The following SPMIP11 variants were observed in gnomAD, a reference collection of about 807,000 sequenced individuals.
The protein encoded by SPMIP11 is long intergenic non-protein coding RNA 935.
At chr12:48,744,909 A>G in the SPMIP11 span, among the ~76,000 whole-genome samples, 1 of 152,148 alleles carries the variant, frequency 6.6e-6, no homozygotes, top group African/African-American at 2.4e-5. Context: ...ATGGTGATGT[A>G]CAAAAGAGGA....
At chr12:48,770,041 G>A in the SPMIP11 span, among the ~76,000 whole-genome samples, 22 of 149,986 alleles carry the variant, frequency 1.5e-4, no homozygotes, top group South Asian at 4.2e-4. Flanking sequence ...GATTACAGGC[G>A]TGAGCCACTG....
chr12:48,731,170 G>C, the SPMIP11 span, among the ~76,000 whole-genome samples: 1 of 152,008 alleles, frequency 6.6e-6, no homozygotes, highest in Non-Finnish European at 1.5e-5. Flanking sequence ...CCCAAACCCT[G>C]AATTCAAATG....
At chr12:48,727,580 AG>A in the SPMIP11 span, 3 of 702,272 alleles carry the variant, frequency 4.3e-6, no homozygotes, top group East Asian at 8.0e-5. Context: ...TATAGGGTAG[AG>A]GGTTAGAAGG....
At chr12:48,758,066 G>A in the SPMIP11 span, among the ~76,000 whole-genome samples, 3 of 152,132 alleles carry the variant, frequency 2.0e-5, no homozygotes, top group African/African-American at 4.8e-5. Context: ...ACTTCGGGAC[G>A]CTGAGGAGGG....
the SPMIP11 span, among the ~76,000 whole-genome samples, chr12:48,732,516 T>C: frequency 6.6e-6 from 1 of 152,022 alleles, no homozygotes; most frequent in African/African-American, 2.4e-5. Flanking sequence ...ATACCTGTAA[T>C]CCCAGCACTT....
At chr12:48,747,412 T>C in the SPMIP11 span, among the ~76,000 whole-genome samples, 86,052 of 152,002 alleles carry the variant, frequency 0.57, 24,947 homozygotes, top group East Asian at 0.76. Context: ...GATTCAAAAT[T>C]GAGAAAAAAT....
At chr12:48,736,989 G>A in the SPMIP11 span, among the ~76,000 whole-genome samples, 5 of 149,200 alleles carry the variant, frequency 3.4e-5, no homozygotes, top group South Asian at 4.2e-4. Context: ...TTGCTCTGTC[G>A]CCCATGCTGG....
the SPMIP11 span, among the ~76,000 whole-genome samples, chr12:48,739,836 G>C: frequency 2.0e-5 from 3 of 152,060 alleles, no homozygotes; most frequent in Admixed American, 6.6e-5. Flanking sequence ...GTTTGGGTAG[G>C]GACATAAATC....
At chr12:48,732,159 A>C in the SPMIP11 span, among the ~76,000 whole-genome samples, 4 of 152,024 alleles carry the variant, frequency 2.6e-5, no homozygotes, top group African/African-American at 4.8e-5. Flanking sequence ...AAAAAAAAAA[A>C]AAACATAAAA....
At chr12:48,768,909 T>A in the SPMIP11 span, 1 of 1,591,388 alleles carries the variant, frequency 6.3e-7, no homozygotes, top group South Asian at 1.2e-5. Context: ...CCCATGTTCC[T>A]CCCAGCCCCT....
At chr12:48,735,744 C>T in the SPMIP11 span, among the ~76,000 whole-genome samples, 9 of 151,632 alleles carry the variant, frequency 5.9e-5, no homozygotes, top group African/African-American at 1.9e-4. Flanking sequence ...ATTAGCCAGG[C>T]GTGGTGACAC....
the SPMIP11 span, among the ~76,000 whole-genome samples, chr12:48,749,191 G>T: frequency 6.6e-6 from 1 of 151,790 alleles, no homozygotes; most frequent in East Asian, 1.9e-4. Flanking sequence ...GAACCTGGGA[G>T]GCAGAGGCTG....
chr12:48,766,361 G>C, the SPMIP11 span: 1 of 152,632 alleles, frequency 6.6e-6, no homozygotes, highest in Non-Finnish European at 1.5e-5. Context: ...AGGGACAATG[G>C]TAGCCCAGGG....
At chr12:48,731,288 C>T in the SPMIP11 span, among the ~76,000 whole-genome samples, 1 of 152,088 alleles carries the variant, frequency 6.6e-6, no homozygotes, top group African/African-American at 2.4e-5. Context: ...GTCAGGAGAT[C>T]GATACCATCC....
the SPMIP11 span, among the ~76,000 whole-genome samples, chr12:48,735,425 T>G: frequency 6.6e-6 from 1 of 151,998 alleles, no homozygotes; most frequent in African/African-American, 2.4e-5. Flanking sequence ...CTGGTCAACA[T>G]GGTGAAACAC....
chr12:48,770,541 C>G, the SPMIP11 span, among the ~76,000 whole-genome samples: 2 of 152,132 alleles, frequency 1.3e-5, no homozygotes, highest in Non-Finnish European at 2.9e-5. Context: ...AGTCTCTATC[C>G]AATGAAAGGC....
the SPMIP11 span, among the ~76,000 whole-genome samples, chr12:48,764,140 G>C: frequency 1.3e-5 from 2 of 150,958 alleles, no homozygotes; most frequent in Admixed American, 6.6e-5. Context: ...GCACCACCAC[G>C]CCCGGCTAAT....
At chr12:48,762,498 G>A in the SPMIP11 span, among the ~76,000 whole-genome samples, 2 of 148,988 alleles carry the variant, frequency 1.3e-5, no homozygotes, top group Non-Finnish European at 3.0e-5. Flanking sequence ...CTCCTAAGTA[G>A]CTGGGATTAC....
chr12:48,765,920 G>T, the SPMIP11 span: 1 of 450,226 alleles, frequency 2.2e-6, no homozygotes, highest in African/African-American at 2.0e-5. Flanking sequence ...TCTGTGAGGG[G>T]CCAAGGCACT....
Sources: gnomAD v4.1 joint callset for allele counts (sites outside exome capture counted in the v4.1 genomes callset) on GRCh38, gnomAD v4.1.1 for gene constraint, MANE v1.5 for transcripts, NCBI Gene and HGNC (gene_info 2026-07-23, HGNC 2026-07-21) for gene names.